GABPB1: variants seen among roughly 807,000 people sequenced by gnomAD.
The protein encoded by GABPB1 is GA-binding protein subunit beta-1.
A neutral mutation model predicts 45.9 loss-of-function variants in GABPB1; 15 were observed. The observed-to-expected ratio is 0.33, with a 90% CI of 0.22 to 0.50. The LOEUF (loss-of-function observed/expected upper bound fraction) is 0.50, where lower values mean the gene tolerates loss of function less well. Ranked by LOEUF, GABPB1 falls within the 20% of genes least tolerant of loss-of-function variation. The pLI is 0.98. For synonymous variants in GABPB1, 143 were observed against 154.4 expected, an observed-to-expected ratio of 0.93 and a Z score of 0.55; for missense variants, 252 against 457.5, an observed-to-expected ratio of 0.55 and a Z score of 4.10.
intron 2 of GABPB1, 70 bp from the exon 3 acceptor site, chr15:50,304,203 C>G: frequency 7.6e-7 from 1 of 1,308,826 alleles, no homozygotes; most frequent in East Asian, 2.6e-5. Context: ...ATATAGTAAA[C>G]AGATTTTCTT....
intron 1 of GABPB1, among the ~76,000 whole-genome samples, chr15:50,328,306 G>A (rs1595815073): frequency 6.6e-6 from 1 of 151,354 alleles, no homozygotes; most frequent in East Asian, 1.9e-4. Context: ...TCTAAATCAA[G>A]TTTATTCTAG....
intron 1 of GABPB1, among the ~76,000 whole-genome samples, chr15:50,342,976 C>T (rs2048431304): frequency 0.033 from 1 of 30 alleles, no homozygotes; most frequent in Admixed American, 0.5. Flanking sequence ...TCTTGGCTCA[C>T]TGCAAGTCCG....
intron 1 of GABPB1, among the ~76,000 whole-genome samples, chr15:50,316,354 C>A (rs1314809730): frequency 6.6e-6 from 1 of 152,102 alleles, no homozygotes; most frequent in African/African-American, 2.4e-5. Context: ...AGGATTATGG[C>A]ATGTACTAGA....
chr15:50,280,641 G>C lies in GABPB1; in HGVS notation c.1000-1857C>G, dbSNP rs538922788. On this transcript the variant is annotated intron_variant, in intron 8 of 8. Transcript: ENST00000380877. ...TGCGCCTGTAGTCCCAGCTACTTGG[G>C]AAGCTGAGGCAGGAGGATCACTTGA... Among the ~76,000 whole-genome samples, 4 of 152,164 alleles carry C rather than the reference G, an allele frequency of 2.6e-5. No homozygotes were observed. In the South Asian group the frequency reaches 8.3e-4, roughly 32 times the overall value.
intron 1 of GABPB1, chr15:50,351,014 C>G (rs2048798667): frequency 6.6e-6 from 1 of 152,138 alleles, no homozygotes; most frequent in Non-Finnish European, 1.5e-5. Context: ...TTATGCTCTA[C>G]AGATAAGTGA....
chr15:50,305,722 T>C (rs2046926400), intron 2 of GABPB1, among the ~76,000 whole-genome samples: 1 of 152,210 alleles, frequency 6.6e-6, no homozygotes, highest in Non-Finnish European at 1.5e-5. Context: ...TTTTTTATTT[T>C]TGTCTTCTGA....
chr15:50,337,253 C>G lies in GABPB1; in HGVS notation c.-1+17732G>C, dbSNP rs71394991. Among the ~76,000 whole-genome samples, 309 of 151,124 alleles carry G rather than the reference C, an allele frequency of 2.0e-3. 2 individuals are homozygous for G. Among genetic ancestry groups the G allele is most frequent in the African/African-American group, 7.3e-3 (302 of 41,306 alleles). On this transcript the variant is annotated intron_variant, in intron 1 of 8. Coordinates refer to ENST00000380877, the MANE Select transcript of GABPB1 (RefSeq NM_016654.5). ...GACAGTGGCTAAAGAGGTAAGCACACGTTGGAGGTGACAGAACAGCAAGTT... is the reference window on the plus strand; with the variant it reads ...GACAGTGGCTAAAGAGGTAAGCACAGGTTGGAGGTGACAGAACAGCAAGTT...
intron 1 of GABPB1, 165 bp downstream of exon 1, chr15:50,354,810 CGACCCCCGCG>C (rs973946381): frequency 2.2e-5 from 5 of 226,588 alleles, no homozygotes; most frequent in African/African-American, 1.2e-4. Context: ...CCGACCCCGC[CGACCCCCGCG>C]GAATAAGCGG....
At chr15:50,332,384 C>G (rs1364526897) in intron 1 of GABPB1, among the ~76,000 whole-genome samples, 2 of 152,104 alleles carry the variant, frequency 1.3e-5, no homozygotes, top group Non-Finnish European at 2.9e-5. Flanking sequence ...TTTTAAAAGA[C>G]ATAAGCAACA....
intron 1 of GABPB1, among the ~76,000 whole-genome samples, chr15:50,346,174 A>T (rs564520972): frequency 7.9e-5 from 12 of 152,330 alleles, no homozygotes; most frequent in African/African-American, 2.6e-4. Context: ...TGAAAAAAAA[A>T]TGTGCAAGCT....
intron 1 of GABPB1, among the ~76,000 whole-genome samples, chr15:50,332,644 T>C (rs923235517): frequency 6.6e-6 from 1 of 152,128 alleles, no homozygotes; most frequent in Admixed American, 6.5e-5. Context: ...TTGGGATATA[T>C]ATAAAAACAC....
At chr15:50,341,546 A>G (rs2048377833) in intron 1 of GABPB1, among the ~76,000 whole-genome samples, 1 of 151,964 alleles carries the variant, frequency 6.6e-6, no homozygotes. Flanking sequence ...AAAAAAAAAG[A>G]AAATGATTTA....
chr15:50,350,344 A>C (rs1451838938), intron 1 of GABPB1: 1 of 147,796 alleles, frequency 6.8e-6, no homozygotes, highest in Non-Finnish European at 1.5e-5. Context: ...CACAGCTTTT[A>C]TAATCAACAA....
At position 50,277,920 on chromosome 15, in the gene GABPB1, A is replaced by G. The variant is rs1471169345; in HGVS notation, c.*712T>C. ...CCAGCTTACTTCGTTTCAATGACCT[A>G]CAGAGTAAAGGGGTTTTGTTTTTGT... On this transcript the variant is annotated 3_prime_UTR_variant, in exon 9 of 9. Coordinates refer to ENST00000380877, the MANE Select transcript of GABPB1 (RefSeq NM_016654.5). 6.7e-6 allele frequency: 1 copy of G among 148,820 alleles called. No homozygotes were observed. Among genetic ancestry groups the G allele is most frequent in the African/African-American group, 2.6e-5 (1 of 37,890 alleles). 9.2% of individuals were successfully genotyped at this position (148,820 alleles called of 1,614,324 possible).
intron 1 of GABPB1, among the ~76,000 whole-genome samples, chr15:50,328,922 T>C (rs1293208829): frequency 2.6e-5 from 4 of 152,130 alleles, no homozygotes. Context: ...ATTTTCAGAG[T>C]AAAGAATAAT....
At chr15:50,326,263 C>G (rs1021425867) in intron 1 of GABPB1, among the ~76,000 whole-genome samples, 9 of 152,182 alleles carry the variant, frequency 5.9e-5, no homozygotes, top group African/African-American at 2.2e-4. Context: ...CCCATAATCC[C>G]AGCATTTTGG....
intron 2 of GABPB1, among the ~76,000 whole-genome samples, chr15:50,305,922 T>C (rs193122235): frequency 1.3e-5 from 2 of 152,042 alleles, no homozygotes; most frequent in East Asian, 3.9e-4. Context: ...GCTGGGATTA[T>C]GGATATGAGC....
chr15:50,343,778 C>A (rs530551852), intron 1 of GABPB1, among the ~76,000 whole-genome samples: 9 of 152,276 alleles, frequency 5.9e-5, no homozygotes, highest in Non-Finnish European at 1.2e-4. Context: ...ACCTCATGAT[C>A]TGCCCGCCTC....
At chr15:50,346,586 A>AGTT (rs1288037104) in intron 1 of GABPB1, among the ~76,000 whole-genome samples, 10 of 109,338 alleles carry the variant, frequency 9.1e-5, no homozygotes, top group African/African-American at 3.7e-4. Flanking sequence ...AACAACAGAA[A>AGTT]GTTTTTTTTT....
Sources: allele counts gnomAD v4.1 joint callset (sites outside exome capture counted in the v4.1 genomes callset), GRCh38; gene constraint gnomAD v4.1.1; transcripts MANE v1.5; gene names NCBI Gene and HGNC (gene_info 2026-07-23, HGNC 2026-07-21).